The following ENPEP variants were observed in gnomAD, a reference collection of about 807,000 sequenced individuals.
ENPEP encodes the protein glutamyl aminopeptidase, also known as AP-A.
ENPEP carries 103 observed loss-of-function variants against 114.5 expected under a neutral mutation model. The observed-to-expected ratio is 0.90, with a 90% confidence interval of 0.77 to 1.06. The LOEUF is 1.06. Ranked by LOEUF, ENPEP falls within the 50% of genes least tolerant of loss-of-function variation. The pLI is 0.00. For synonymous variants in ENPEP, 420 were observed against 422.0 expected, an observed-to-expected ratio of 1.00 and a Z score of 0.06; for missense variants, 1,196 against 1,161.3, an observed-to-expected ratio of 1.03 and a Z score of -0.43.
chr4:110,476,760 A>G lies in ENPEP; in HGVS notation c.346A>G (p.Thr116Ala), dbSNP rs1560548126. 2.5e-6 allele frequency: 4 copies of G among 1,614,158 alleles called. No homozygotes were observed. Among genetic ancestry groups the G allele is most frequent in the South Asian group, 2.2e-5 (2 of 91,084 alleles). ...VKPLLEEDTYTGTVSISINLS... is the reference protein window; with the variant it reads ...VKPLLEEDTYAGTVSISINLS... ...GCCCCTGTTGGAGGAGGACACCTACACGGGCACCGTGAGCATCTCCATCAA... is the reference window on the plus strand; with the variant it reads ...GCCCCTGTTGGAGGAGGACACCTACGCGGGCACCGTGAGCATCTCCATCAA... The change falls in exon 1 of 20, where the codon ACG becomes GCG. Residue 116 changes from threonine to alanine, a missense_variant. Thr to Ala is a moderately conservative substitution (Grantham distance 58). Coordinates refer to ENST00000265162, the MANE Select transcript of ENPEP (RefSeq NM_001977.4).
rs148233338 is a variant in ENPEP at position 110,497,771 on chromosome 4, A to G, written c.918+6607A>G. ...TTTGCATATTCATACTAATTTATCT[A>G]TGAGGAAGGAGCAAACTAAAATTTA... On this transcript the variant is annotated intron_variant, in intron 3 of 19. Coordinates refer to ENST00000265162, the MANE Select transcript of ENPEP (RefSeq NM_001977.4). 1.5e-3 allele frequency among the ~76,000 whole-genome samples: 234 copies of G among 152,334 alleles called. 2 individuals carry two copies. Among genetic ancestry groups the G allele is most frequent in the African/African-American group, 5.4e-3 (223 of 41,580 alleles).
At chr4:110,513,311 C>A in intron 6 of ENPEP, 104 bp from the exon 7 acceptor site, 3 of 1,287,908 alleles carry the variant, frequency 2.3e-6, no homozygotes, top group Non-Finnish European at 2.1e-6. Flanking sequence ...TAACTTAAGT[C>A]ATTTATATTT....
intron 8 of ENPEP, 65 bp from the exon 9 acceptor site, chr4:110,519,943 A>G: frequency 2.0e-6 from 3 of 1,465,688 alleles, no homozygotes; most frequent in Non-Finnish European, 2.8e-6. Flanking sequence ...GGTTCAGTTC[A>G]TCTTGTGAAA....
Position 110,548,161 on chromosome 4 carries a change from T to C in ENPEP, c.2001-15T>C, listed in dbSNP as rs778973542. The C allele has an allele frequency of 1.6e-6, 2 of 1,238,964 alleles. No homozygotes were observed. The highest frequency in any genetic ancestry group is 2.0e-6 in the Non-Finnish European group (2 of 984,174). 76.7% of individuals were successfully genotyped at this position (1,238,964 alleles called of 1,614,324 possible). On this transcript the variant is annotated splice_polypyrimidine_tract_variant and intron_variant, in intron 13 of 19. Coordinates refer to ENST00000265162, the MANE Select transcript of ENPEP (RefSeq NM_001977.4). Reference sequence around the variant, plus strand: ...TGAGTTTTTTTTTTTTTTTTTTTTTTTTTGTCTTTCTCAGAGCTCAACTTC... The same window carrying C: ...TGAGTTTTTTTTTTTTTTTTTTTTTCTTTGTCTTTCTCAGAGCTCAACTTC...
chr4:110,560,331 T>A lies in ENPEP; in HGVS notation c.2721+606T>A, dbSNP rs182474303. Reference sequence around the variant, plus strand: ...CCAGTAACGGGATAGAATGAAACTATTTTTTCAAATAGAAATGATATTTTC... The same window carrying A: ...CCAGTAACGGGATAGAATGAAACTAATTTTTCAAATAGAAATGATATTTTC... On this transcript the variant is annotated intron_variant, in intron 19 of 19. Coordinates refer to ENST00000265162, the MANE Select transcript of ENPEP (RefSeq NM_001977.4). Among the ~76,000 whole-genome samples the A allele has an allele frequency of 2.6e-5, 4 of 152,270 alleles. No individual in the cohort carries two copies. The East Asian group carries it at 7.7e-4, about 29-fold the overall frequency.
intron 11 of ENPEP, 97 bp downstream of exon 11, chr4:110,531,374 T>G: frequency 1.0e-6 from 1 of 968,486 alleles, no homozygotes; most frequent in Non-Finnish European, 1.4e-6. Context: ...GGAACTTATG[T>G]AAACTTCAGC....
At chr4:110,536,029 C>T (rs1726607515) in intron 11 of ENPEP, among the ~76,000 whole-genome samples, 1 of 147,466 alleles carries the variant, frequency 6.8e-6, no homozygotes, top group African/African-American at 2.5e-5. Context: ...ATTGCTTGAA[C>T]CCGGGAGGCG....
intron 14 of ENPEP, among the ~76,000 whole-genome samples, 171 bp downstream of exon 14, chr4:110,548,497 C>CT (rs1727165193): frequency 6.6e-6 from 1 of 151,926 alleles, no homozygotes; most frequent in Admixed American, 6.6e-5. Flanking sequence ...GCCGTCTATT[C>CT]TTTTTCAATT....
At chr4:110,551,048 G>T (rs1227903692) in intron 17 of ENPEP, among the ~76,000 whole-genome samples, 1 of 147,208 alleles carries the variant, frequency 6.8e-6, no homozygotes, top group Non-Finnish European at 1.5e-5. Flanking sequence ...GAGCCCAGGA[G>T]TTCAAGACCA....
intron 7 of ENPEP, among the ~76,000 whole-genome samples, chr4:110,514,920 A>G (rs1364794797): frequency 6.6e-6 from 1 of 152,160 alleles, no homozygotes; most frequent in African/African-American, 2.4e-5. Context: ...CTATTTGACC[A>G]GATAATTCCT....
chr4:110,528,940 A>G (rs1726300702), intron 10 of ENPEP, among the ~76,000 whole-genome samples: 1 of 152,188 alleles, frequency 6.6e-6, no homozygotes, highest in Non-Finnish European at 1.5e-5. Flanking sequence ...TTCACATTTT[A>G]TACTCTCAAG....
At chr4:110,505,431 A>T (rs1026596776) in intron 3 of ENPEP, among the ~76,000 whole-genome samples, 2 of 152,182 alleles carry the variant, frequency 1.3e-5, no homozygotes, top group Admixed American at 6.5e-5. Flanking sequence ...TACCTAGTGG[A>T]TGTGAGAATA....
chr4:110,491,940 C>CT (rs150955811), intron 3 of ENPEP, among the ~76,000 whole-genome samples: 12,851 of 152,168 alleles, frequency 0.084, 718 homozygotes, highest in East Asian at 0.23. Context: ...AGCCTTGTCT[C>CT]TAACTCCTGA....
chr4:110,537,405 G>T (rs1348616983), intron 11 of ENPEP, among the ~76,000 whole-genome samples: 1 of 152,070 alleles, frequency 6.6e-6, no homozygotes, highest in Non-Finnish European at 1.5e-5. Context: ...TCAAGAAACC[G>T]CTTTCTTTGC....
chr4:110,501,317 T>C (rs190980974), intron 3 of ENPEP, among the ~76,000 whole-genome samples: 30 of 152,284 alleles, frequency 2.0e-4, no homozygotes, highest in Admixed American at 1.4e-3. Flanking sequence ...CAGGGGTATA[T>C]GTACGGGTTT....
At chr4:110,556,406 A>G (rs1305879701) in intron 18 of ENPEP, among the ~76,000 whole-genome samples, 2 of 151,972 alleles carry the variant, frequency 1.3e-5, no homozygotes, top group African/African-American at 4.8e-5. Flanking sequence ...ATCATCCTAT[A>G]TTGTGGGTGT....
chr4:110,482,933 C>T (rs1246124876), intron 1 of ENPEP, among the ~76,000 whole-genome samples: 2 of 152,134 alleles, frequency 1.3e-5, no homozygotes, highest in Non-Finnish European at 2.9e-5. Flanking sequence ...TGCTTGAACC[C>T]AGGAGGCGGA....
chr4:110,519,329 T>A, intron 8 of ENPEP: 1 of 234,128 alleles, frequency 4.3e-6, no homozygotes, highest in East Asian at 8.7e-5. Context: ...TTCCATTTTC[T>A]ATCAAAGACC....
At chr4:110,526,068 G>A (rs1244225308) in intron 10 of ENPEP, among the ~76,000 whole-genome samples, 5 of 152,106 alleles carry the variant, frequency 3.3e-5, no homozygotes, top group Admixed American at 2.6e-4. Flanking sequence ...TTGAGGTCAG[G>A]AGTTTGAGAC....
Sources: gnomAD v4.1 joint callset for allele counts (sites outside exome capture counted in the v4.1 genomes callset) on GRCh38, gnomAD v4.1.1 for gene constraint, MANE v1.5 for transcripts, NCBI Gene and HGNC (gene_info 2026-07-23, HGNC 2026-07-21) for gene names.